The following VPS13D variants were observed in gnomAD, a reference collection of about 807,000 sequenced individuals.
VPS13D encodes the protein intermembrane lipid transfer protein VPS13D.
A neutral mutation model predicts 461.9 loss-of-function variants in VPS13D; 187 were observed. The observed-to-expected ratio is 0.40, with a 90% CI of 0.36 to 0.46. The LOEUF (loss-of-function observed/expected upper bound fraction) is 0.46, where lower values mean the gene tolerates loss of function less well. VPS13D is among the 20% of genes least tolerant of loss of function. VPS13D has a pLI of 0.60. For synonymous variants in VPS13D, 1,951 were observed against 1,986.3 expected, an observed-to-expected ratio of 0.98 and a Z score of 0.47; for missense variants, 4,711 against 5,364.9, an observed-to-expected ratio of 0.88 and a Z score of 3.81.
At chr1:12,398,119 G>A (rs531717199) in intron 60 of VPS13D, among the ~76,000 whole-genome samples, 1 of 152,306 alleles carries the variant, frequency 6.6e-6, no homozygotes, top group South Asian at 2.1e-4. Flanking sequence ...CTGCTATATA[G>A]AGAATACATT....
At chr1:12,389,327 A>T (rs1027037360) in intron 60 of VPS13D, among the ~76,000 whole-genome samples, 3 of 152,144 alleles carry the variant, frequency 2.0e-5, no homozygotes, top group Admixed American at 1.3e-4. Flanking sequence ...CTTCAATCCA[A>T]TCAAGTTGAC....
At position 12,509,200 on chromosome 1, in the gene VPS13D, G is replaced by A. The variant is rs1356112094; in HGVS notation, c.*176G>A. 1.4e-6 allele frequency: 1 copy of A among 730,940 alleles called. No homozygotes were observed. Among genetic ancestry groups the A allele is most frequent in the Non-Finnish European group, 2.1e-6 (1 of 478,416 alleles). 45.3% of individuals were successfully genotyped at this position (730,940 alleles called of 1,614,324 possible). On this transcript the variant is annotated 3_prime_UTR_variant, in exon 70 of 70. Coordinates refer to ENST00000620676, the MANE Select transcript of VPS13D (RefSeq NM_015378.4). The stretch of plus-strand genomic sequence containing the variant: ...GTACAAATGGAAATCGTATTAATTT[G>A]TGAGGCAGGGAGTTATTTTAGATTA...
At chr1:12,439,242 C>G (rs1001919291) in intron 65 of VPS13D, among the ~76,000 whole-genome samples, 1 of 152,142 alleles carries the variant, frequency 6.6e-6, no homozygotes, top group Non-Finnish European at 1.5e-5. Context: ...CACTGTCTCA[C>G]CACCCTCCAC....
chr1:12,262,211 A>C (rs576584470), intron 13 of VPS13D, 131 bp downstream of exon 13: 12 of 995,122 alleles, frequency 1.2e-5, no homozygotes, highest in Non-Finnish European at 1.7e-5. Context: ...ATGTGGAACC[A>C]TTGCTCTTAG....
chr1:12,290,876 T>G, intron 22 of VPS13D, 122 bp from the exon 23 acceptor site: 11 of 940,366 alleles, frequency 1.2e-5, no homozygotes, highest in South Asian at 3.4e-5. Flanking sequence ...AATTTGCTTT[T>G]GAGGTTTGAT....
At chr1:12,308,124 A>G (rs1341201875) in intron 26 of VPS13D, among the ~76,000 whole-genome samples, 5 of 152,146 alleles carry the variant, frequency 3.3e-5, no homozygotes, top group Admixed American at 2.6e-4. Flanking sequence ...TTCGTCATCA[A>G]TCCCCCAGCC....
intron 68 of VPS13D, among the ~76,000 whole-genome samples, chr1:12,504,965 A>G (rs975363643): frequency 2.6e-5 from 4 of 152,150 alleles, no homozygotes; most frequent in South Asian, 2.1e-4. Flanking sequence ...GGGCTGGGCA[A>G]TGAGGTGGAA....
At chr1:12,442,929 T>C (rs1645148161) in intron 65 of VPS13D, among the ~76,000 whole-genome samples, 1 of 152,250 alleles carries the variant, frequency 6.6e-6, no homozygotes, top group Non-Finnish European at 1.5e-5. Flanking sequence ...TTTGGTAGCA[T>C]GCTTAGAAAA....
Position 12,261,119 on chromosome 1 carries a change from C to T in VPS13D, c.1384C>T (p.Gln462Ter). 6.2e-7 allele frequency: 1 copy of T among 1,614,164 alleles called. No individual in the cohort carries two copies. The change falls in exon 12 of 70, where the codon CAG becomes TAG. Residue 462 changes from glutamine to a stop codon, truncating the protein, a stop_gained. Transcript: ENST00000620676. LOFTEE classifies it high-confidence loss of function. ...GGTTGAGGGACTGTCAGCAGAGCAA[C>T]AGGAGCAGTGGATTCCTGAAGAGAT... ...NVVEGLSAEQ[Q>*]EQWIPEEILG...
rs554804193 is a variant in VPS13D at position 12,363,187 on chromosome 1, A to C, written c.10388A>C (p.Asn3463Thr). 1.4e-5 allele frequency: 22 copies of C among 1,614,152 alleles called. No homozygotes were observed. Among genetic ancestry groups the C allele is most frequent in the Non-Finnish European group, 1.9e-5 (22 of 1,180,032 alleles). ...LLCVRLMDVP[N>T]CIWSGGFEVN... is the part of the protein sequence containing the mutation. ...TGTGTCAGACTGATGGACGTTCCCA[A>C]TTGTATTTGGTCTGGAGGCTTTGAA... Residue 3463 changes from asparagine (N) to threonine (T), a missense_variant, in exon 52 of 70, where the codon AAT becomes ACT. By Grantham distance (65) the Asn-to-Thr change is moderately conservative. Transcript: ENST00000620676.
intron 65 of VPS13D, among the ~76,000 whole-genome samples, chr1:12,433,949 A>AGAGAGAGAGAGAGAGAGAGTGTGT (rs1553121770): frequency 3.4e-4 from 50 of 145,000 alleles, no homozygotes; most frequent in African/African-American, 1.1e-3. Context: ...AGAGAGAGAG[A>AGAGAGAGAGAGAGAGAGAGTGTGT]GTGTGTGTGT....
chr1:12,319,395 A>G (rs1642972448), intron 31 of VPS13D, 102 bp from the exon 32 acceptor site: 8 of 1,511,772 alleles, frequency 5.3e-6, no homozygotes, highest in African/African-American at 1.4e-5. Flanking sequence ...TTACTGGTTC[A>G]TGTTGTTGCC....
rs1482848065 is a variant in VPS13D at position 12,349,165 on chromosome 1, G to C, written c.9222G>C (p.Lys3074Asn). 1 of 1,613,392 alleles carries C rather than the reference G, an allele frequency of 6.2e-7. No individual in the cohort carries two copies. The highest frequency in any genetic ancestry group is 8.5e-7 in the Non-Finnish European group (1 of 1,180,034). ...LRLDSPSAPD[K>N]PVVLPAIMPG... ...TGTTAACCCTTATTTCTGTGGCAGA[G>C]CCAGTGGTGCTTCCTGCTATCATGC... Residue 3074 changes from lysine to asparagine, a missense_variant and splice_region_variant, in exon 46 of 70, where the codon AAG (lysine) becomes AAC (asparagine). Lys to Asn is a moderately conservative substitution (Grantham distance 94). Transcript: ENST00000620676.
chr1:12,377,929 A>G (rs1644222880), intron 55 of VPS13D, among the ~76,000 whole-genome samples: 1 of 152,190 alleles, frequency 6.6e-6, no homozygotes, highest in South Asian at 2.1e-4. Flanking sequence ...GGACACCATC[A>G]ATATAGTACG....
At chr1:12,311,082 A>C (rs1642735439) in intron 27 of VPS13D, among the ~76,000 whole-genome samples, 1 of 151,542 alleles carries the variant, frequency 6.6e-6, no homozygotes, top group Non-Finnish European at 1.5e-5. Flanking sequence ...TGCCCAGTTA[A>C]TTTTTGCATT....
intron 65 of VPS13D, among the ~76,000 whole-genome samples, chr1:12,448,971 G>T (rs1645227740): frequency 6.6e-6 from 1 of 152,160 alleles, no homozygotes; most frequent in Admixed American, 6.5e-5. Context: ...TGACTTCCTT[G>T]CATGTGTTTC....
intron 20 of VPS13D, among the ~76,000 whole-genome samples, chr1:12,280,568 C>T (rs984303571): frequency 3.3e-5 from 5 of 149,596 alleles, no homozygotes; most frequent in Non-Finnish European, 7.4e-5. Context: ...TGGCTCATTG[C>T]AACCTCTGCC....
At chr1:12,285,182 A>G (rs976302514) in intron 21 of VPS13D, among the ~76,000 whole-genome samples, 3 of 152,200 alleles carry the variant, frequency 2.0e-5, no homozygotes, top group Admixed American at 2.0e-4. Context: ...GAGAAACAGT[A>G]TAATGAACCC....
In VPS13D at chr1:12,415,082, A is replaced by T; in HGVS notation, c.12031-5A>T. On this transcript the variant is annotated splice_polypyrimidine_tract_variant and splice_region_variant and intron_variant, in intron 63 of 69. Coordinates refer to ENST00000620676, the MANE Select transcript of VPS13D (RefSeq NM_015378.4). ...AGTATGTCATTTCCTTTCTTCCCTA[A>T]TTAGGCCCTAAAAAGCACCTTGGGG... 2 of 1,613,736 alleles carry T rather than the reference A, an allele frequency of 1.2e-6. No individual in the cohort carries two copies. The highest frequency in any genetic ancestry group is 8.5e-7 in the Non-Finnish European group (1 of 1,179,832).
Sources: allele counts gnomAD v4.1 joint callset (sites outside exome capture counted in the v4.1 genomes callset), GRCh38; gene constraint gnomAD v4.1.1; transcripts MANE v1.5; gene names NCBI Gene and HGNC (gene_info 2026-07-23, HGNC 2026-07-21).